Variants in DPH6 observed in about 807,000 individuals in gnomAD.
DPH6 encodes the protein diphthine--ammonia ligase.
In DPH6, 33 loss-of-function variants were observed where a neutral mutation model predicts 38.2. The ratio of observed to expected loss-of-function variants is 0.86; its 90% confidence interval spans 0.65 to 1.15. The LOEUF is 1.15. Among genes scored for constraint, DPH6 ranks in the 50% most tolerant of loss-of-function variants. The pLI, the probability that DPH6 is intolerant of heterozygous loss-of-function variation, is 0.00. For synonymous variants in DPH6, 108 were observed against 103.0 expected, an observed-to-expected ratio of 1.05 and a Z score of -0.30; for missense variants, 325 against 320.0, an observed-to-expected ratio of 1.02 and a Z score of -0.12.
At chr15:35,279,678 C>G (rs1265016330) in intron 3 of DPH6, among the ~76,000 whole-genome samples, 3 of 152,128 alleles carry the variant, frequency 2.0e-5, no homozygotes, top group Non-Finnish European at 2.9e-5. Context: ...CTTTCTGAGG[C>G]CTTACCAGAA....
intron 5 of DPH6, among the ~76,000 whole-genome samples, chr15:35,413,572 T>C (rs2053397339): frequency 1.3e-5 from 2 of 151,750 alleles, no homozygotes; most frequent in Admixed American, 1.3e-4. Flanking sequence ...TTGTAATCTA[T>C]ATGTCTTCTA....
intron 3 of DPH6, among the ~76,000 whole-genome samples, chr15:35,271,259 A>C (rs1052176165): frequency 1.3e-5 from 2 of 152,128 alleles, no homozygotes; most frequent in Admixed American, 1.3e-4. Flanking sequence ...CAAACAAACA[A>C]ACACACAAAC....
At chr15:35,248,484 C>T (rs2051650432) in intron 3 of DPH6, among the ~76,000 whole-genome samples, 1 of 152,144 alleles carries the variant, frequency 6.6e-6, no homozygotes, top group Non-Finnish European at 1.5e-5. Context: ...TTGCTGGGTC[C>T]CATTCTCCAC....
chr15:35,520,169 A>G, intron 3 of DPH6: 1 of 393,424 alleles, frequency 2.5e-6, no homozygotes, highest in Non-Finnish European at 3.4e-6. Context: ...CCCTTCTTGG[A>G]TAAAATGACA....
At chr15:35,487,694 T>C (rs2054423178) in intron 3 of DPH6, among the ~76,000 whole-genome samples, 1 of 152,032 alleles carries the variant, frequency 6.6e-6, no homozygotes, top group Admixed American at 6.5e-5. Flanking sequence ...CTGGAAACAT[T>C]TTCCCCATTG....
chr15:35,523,259 T>G (rs1595441244), intron 3 of DPH6, among the ~76,000 whole-genome samples: 1 of 96,120 alleles, frequency 1.0e-5, no homozygotes. Flanking sequence ...TTTTTTTTTT[T>G]GGTCATTTGA....
downstream of DPH6, among the ~76,000 whole-genome samples, chr15:35,216,051 T>A (rs903090678): frequency 6.6e-6 from 1 of 152,238 alleles, no homozygotes; most frequent in East Asian, 1.9e-4. Flanking sequence ...TAGTACAGTT[T>A]CAGAGAGTTA....
chr15:35,523,488 T>C (rs1268366377), intron 3 of DPH6, among the ~76,000 whole-genome samples: 1 of 151,964 alleles, frequency 6.6e-6, no homozygotes, highest in Non-Finnish European at 1.5e-5. Context: ...TATAACATTA[T>C]ATTATAGAAC....
chr15:35,494,711 A>C (rs1421321488), intron 3 of DPH6, among the ~76,000 whole-genome samples: 1 of 152,018 alleles, frequency 6.6e-6, no homozygotes, highest in Admixed American at 6.6e-5. Context: ...CAAAACTATC[A>C]ATCAATACAT....
At chr15:35,282,406 T>C (rs1230413077) in intron 3 of DPH6, among the ~76,000 whole-genome samples, 2 of 152,200 alleles carry the variant, frequency 1.3e-5, no homozygotes, top group Admixed American at 6.5e-5. Context: ...CTTGAACTCC[T>C]GGCCTCAAGC....
chr15:35,349,741 G>T (rs2052494079), intron 3 of DPH6, among the ~76,000 whole-genome samples: 1 of 152,012 alleles, frequency 6.6e-6, no homozygotes, highest in East Asian at 1.9e-4. Flanking sequence ...GGCCTATGTG[G>T]TTTTTGTCCA....
At chr15:35,342,714 A>C (rs2052431619) in intron 3 of DPH6, among the ~76,000 whole-genome samples, 1 of 152,234 alleles carries the variant, frequency 6.6e-6, no homozygotes, top group Non-Finnish European at 1.5e-5. Context: ...AGAAGATTAG[A>C]AAAAATGTTC....
intron 6 of DPH6, among the ~76,000 whole-genome samples, chr15:35,389,699 T>A (rs1161791715): frequency 6.6e-6 from 1 of 152,208 alleles, no homozygotes; most frequent in Non-Finnish European, 1.5e-5. Flanking sequence ...GCTTGGTAGA[T>A]CTTCCTCCAT....
chr15:35,236,617 C>T (rs909075012), intron 3 of DPH6, among the ~76,000 whole-genome samples: 27 of 145,850 alleles, frequency 1.9e-4, no homozygotes, highest in Non-Finnish European at 3.6e-4. Flanking sequence ...CCAGCCTGGG[C>T]GACAGAGACA....
intron 2 of DPH6, 40 bp downstream of exon 2, chr15:35,542,373 C>T: frequency 6.8e-7 from 1 of 1,474,714 alleles, no homozygotes; most frequent in South Asian, 1.3e-5. Context: ...GTTGGAATTT[C>T]ATTCATTTAG....
the DPH6 span, among the ~76,000 whole-genome samples, chr15:35,153,486 G>C: frequency 6.6e-6 from 1 of 152,092 alleles, no homozygotes; most frequent in African/African-American, 2.4e-5. Flanking sequence ...TATTTCTCAA[G>C]GCTTAACACT....
At chr15:35,448,984 ATTT>A (rs372406775) in intron 5 of DPH6, among the ~76,000 whole-genome samples, 2 of 136,586 alleles carry the variant, frequency 1.5e-5, no homozygotes, top group Admixed American at 7.3e-5. Context: ...TTATTGTCTC[ATTT>A]TTTTTTTTTT....
At chr15:35,267,149 A>AT (rs2051788637) in intron 3 of DPH6, among the ~76,000 whole-genome samples, 1 of 152,208 alleles carries the variant, frequency 6.6e-6, no homozygotes, top group Admixed American at 6.5e-5. Flanking sequence ...AGTAAAAAAA[A>AT]CAAAACTGAG....
intron 3 of DPH6, among the ~76,000 whole-genome samples, chr15:35,463,817 C>T (rs1323495171): frequency 6.6e-6 from 1 of 152,080 alleles, no homozygotes; most frequent in Non-Finnish European, 1.5e-5. Flanking sequence ...CATCTCTTAT[C>T]CCATGTGCTG....
Sources: gnomAD v4.1 joint callset for allele counts (sites outside exome capture counted in the v4.1 genomes callset) on GRCh38, gnomAD v4.1.1 for gene constraint, MANE v1.5 for transcripts, NCBI Gene and HGNC (gene_info 2026-07-23, HGNC 2026-07-21) for gene names.